Variants in CCNA1 observed in about 807,000 individuals in gnomAD.
The protein encoded by CCNA1 is cyclin-A1.
In CCNA1, 23 loss-of-function variants were observed where a neutral mutation model predicts 54.1. The observed-to-expected ratio is 0.42, with a 90% confidence interval of 0.31 to 0.60. The LOEUF (loss-of-function observed/expected upper bound fraction) is 0.60, where lower values mean the gene tolerates loss of function less well. Ranked by LOEUF, CCNA1 falls within the 20% of genes least tolerant of loss-of-function variation. CCNA1 has a pLI of 0.14. For synonymous variants in CCNA1, 208 were observed against 213.9 expected, an observed-to-expected ratio of 0.97 and a Z score of 0.24; for missense variants, 450 against 556.7, an observed-to-expected ratio of 0.81 and a Z score of 1.93.
rs17053960 is a variant in CCNA1, at chr13:36,441,501, G to T, written c.1212+270G>T. Among the ~76,000 whole-genome samples, 1,044 of 152,238 alleles carry T rather than the reference G, an allele frequency of 6.9e-3. 14 individuals carry two copies. The highest frequency in any genetic ancestry group is 0.023 in the African/African-American group (976 of 41,544). Reference sequence around the variant, plus strand: ...TCAGTGCCCACTGTTATTCAGGGAGGGCCCTTGAGGTACAATCATTGACTG... The same window carrying T: ...TCAGTGCCCACTGTTATTCAGGGAGTGCCCTTGAGGTACAATCATTGACTG... On this transcript the variant is annotated intron_variant, in intron 7 of 8. Coordinates refer to ENST00000255465, the MANE Select transcript of CCNA1 (RefSeq NM_003914.4).
chr13:36,436,270 A>G, intron 2 of CCNA1, among the ~76,000 whole-genome samples: 1 of 152,190 alleles, frequency 6.6e-6, no homozygotes, highest in East Asian at 1.9e-4. Context: ...TAGTAATGAA[A>G]ACTAATCCTT....
chr13:36,433,268 T>A (rs1307837802), intron 2 of CCNA1, 47 bp downstream of exon 2: 1 of 1,496,174 alleles, frequency 6.7e-7, no homozygotes, highest in Non-Finnish European at 9.1e-7. Context: ...AGAACAGCTC[T>A]CCTGCTTTGG....
chr13:36,433,802 A>C (rs563258094), intron 2 of CCNA1, among the ~76,000 whole-genome samples: 1 of 151,950 alleles, frequency 6.6e-6, no homozygotes, highest in South Asian at 2.1e-4. Flanking sequence ...CGGCCTCCCA[A>C]AGTGTTGGGA....
chr13:36,438,974 T>A, intron 5 of CCNA1, 107 bp downstream of exon 5: 1 of 786,052 alleles, frequency 1.3e-6, no homozygotes, highest in Non-Finnish European at 2.1e-6. Context: ...TAATTAAAAC[T>A]AGTCATGTGT....
intron 2 of CCNA1, among the ~76,000 whole-genome samples, chr13:36,435,893 G>T (rs1289289597): frequency 6.6e-6 from 1 of 152,162 alleles, no homozygotes; most frequent in Non-Finnish European, 1.5e-5. Context: ...CTCAGTAAAT[G>T]GAGTAGCCAT....
chr13:36,435,339 A>G (rs180830947), intron 2 of CCNA1, among the ~76,000 whole-genome samples: 4 of 152,278 alleles, frequency 2.6e-5, no homozygotes, highest in Admixed American at 2.6e-4. Flanking sequence ...TTGTGTGTCC[A>G]TTACTTTGAA....
intron 4 of CCNA1, 39 bp downstream of exon 4, chr13:36,438,230 G>T: frequency 6.3e-7 from 1 of 1,578,078 alleles, no homozygotes; most frequent in Non-Finnish European, 8.6e-7. Context: ...TTCAGGACCC[G>T]AGCTCTTATT....
chr13:36,433,434 C>CTTTCTTTCTTTCT (rs1566169653), intron 2 of CCNA1, among the ~76,000 whole-genome samples: 1 of 96,956 alleles, frequency 1.0e-5, no homozygotes, highest in African/African-American at 3.6e-5. Context: ...TTCTTTCTTT[C>CTTTCTTTCTTTCT]TTTCTTTCGT....
At position 36,442,402 on chromosome 13, in the gene CCNA1, G is replaced by A. The variant is rs192007648; in HGVS notation, c.1346+98G>A. 1.7e-5 allele frequency: 24 copies of A among 1,372,900 alleles called. No homozygotes were observed. The Admixed American group carries it at 3.9e-4, about 22-fold the overall frequency. 85.0% of individuals were successfully genotyped at this position (1,372,900 alleles called of 1,614,324 possible). A position where few individuals can be genotyped will look rare whatever the true frequency, so the allele number is the denominator to read the frequency against. ...TAAAAATAGATTAAATTGTGTATCT[G>A]GTGCCAGGTTGGAAAAGTAAGGGTA... On this transcript the variant is annotated intron_variant, in intron 8 of 8. Transcript: ENST00000255465.
intron 1 of CCNA1, 26 bp downstream of exon 1, chr13:36,432,755 T>G (rs1232090533): frequency 2.1e-6 from 3 of 1,417,134 alleles, no homozygotes; most frequent in South Asian, 2.3e-5. Context: ...TATCCCGACT[T>G]GGAGGCTTGT....
chr13:36,440,580 T>G (rs1227042884), intron 6 of CCNA1, among the ~76,000 whole-genome samples: 5 of 152,176 alleles, frequency 3.3e-5, no homozygotes. Flanking sequence ...GTTACAGAAC[T>G]TTAGTTGAAG....
intron 6 of CCNA1, 66 bp downstream of exon 6, chr13:36,440,249 A>G (rs1195985092): frequency 5.3e-6 from 7 of 1,317,260 alleles, no homozygotes; most frequent in Non-Finnish European, 7.6e-6. Context: ...ACCTTTCCCA[A>G]TCATCCTTCA....
At chr13:36,434,834 C>A (rs76691530) in intron 2 of CCNA1, among the ~76,000 whole-genome samples, 57 of 61,212 alleles carry the variant, frequency 9.3e-4, no homozygotes, top group African/African-American at 2.4e-3. Flanking sequence ...GTGCCCCCCC[C>A]CCCGCGCCAT....
intron 7 of CCNA1, 119 bp downstream of exon 7, chr13:36,441,350 C>T (rs947462921): frequency 1.5e-5 from 9 of 608,270 alleles, no homozygotes; most frequent in African/African-American, 1.1e-4. Flanking sequence ...CCACAACATG[C>T]CACTGAGTCT....
In CCNA1 at chr13:36,438,782, A is replaced by G; in HGVS notation, c.808A>G (p.Asn270Asp). ...AGCAGAGACCCTGTATCTGGCTGTC[A>G]ACTTCCTGGACAGGTTCCTTTCATG... Residue 270 changes from asparagine to aspartate, a missense_variant, in exon 5 of 9, where the codon AAC becomes GAC. Around this residue, in one of 6 missense-constraint regions of CCNA1, gnomAD observed 150 missense variants for 219.7 expected, o/e 0.68. Transcript: ENST00000255465. 6.2e-7 allele frequency: 1 copy of G among 1,614,066 alleles called. No homozygotes were observed. The highest frequency in any genetic ancestry group is 8.5e-7 in the Non-Finnish European group (1 of 1,179,970).
rs990625740 is a variant in CCNA1, at chr13:36,432,620, G to C, written c.-2G>C. Reference sequence around the variant, plus strand: ...AGCGCAGCACCCTGCTCGTCACTTGGGATGGAGACCGGCTTTCCCGCAATC... The same window carrying C: ...AGCGCAGCACCCTGCTCGTCACTTGCGATGGAGACCGGCTTTCCCGCAATC... On this transcript the variant is annotated 5_prime_UTR_variant, in exon 1 of 9. Transcript: ENST00000255465. 3 of 1,582,504 alleles carry C rather than the reference G, an allele frequency of 1.9e-6. No individual in the cohort carries two copies. The highest frequency in any genetic ancestry group is 2.7e-5 in the African/African-American group (2 of 74,108).
At position 36,433,113 on chromosome 13, in the gene CCNA1, C is replaced by T. The variant is rs149125997; in HGVS notation, c.189C>T (p.Pro63=). Residue 63 remains proline (P), a synonymous_variant, in exon 2 of 9, where the codon CCC becomes CCT. Coordinates refer to ENST00000255465, the MANE Select transcript of CCNA1 (RefSeq NM_003914.4). Reference sequence around the variant, plus strand: ...TGCTGGCTACAGTGGCCCGAGGTCCCGATGCTTGTCAGATACTCACCAGAG... The same window carrying T: ...TGCTGGCTACAGTGGCCCGAGGTCCTGATGCTTGTCAGATACTCACCAGAG... 93 of 1,614,174 alleles carry T rather than the reference C, an allele frequency of 5.8e-5. No individual in the cohort carries two copies. The African/African-American group carries it at 8.3e-4, about 14-fold the overall frequency.
At chr13:36,433,633 C>A (rs907966751) in intron 2 of CCNA1, among the ~76,000 whole-genome samples, 1 of 150,422 alleles carries the variant, frequency 6.6e-6, no homozygotes, top group Non-Finnish European at 1.5e-5. Context: ...CTCCACCTCC[C>A]GGGTTCAAGC....
chr13:36,441,071 C>T (rs751103800), intron 6 of CCNA1, 47 bp from the exon 7 acceptor site: 3 of 1,002,812 alleles, frequency 3.0e-6, no homozygotes, highest in Non-Finnish European at 1.6e-6. Flanking sequence ...TACTTGTGAC[C>T]TTAGTCACAT....
Sources: gnomAD v4.1 joint callset for allele counts (sites outside exome capture counted in the v4.1 genomes callset) on GRCh38, gnomAD v4.1.1 for gene constraint, gnomAD v4.1.1 regional missense constraint, MANE v1.5 for transcripts, NCBI Gene and HGNC (gene_info 2026-07-23, HGNC 2026-07-21) for gene names.